Variants in ATP1B1 observed in about 807,000 individuals in gnomAD.
ATP1B1 encodes ATPase Na+/K+ transporting subunit beta 1.
In ATP1B1, 3 loss-of-function variants were observed where a neutral mutation model predicts 39.6. The observed-to-expected ratio is 0.08, with a 90% CI of 0.03 to 0.20. The LOEUF is 0.20. Among genes scored for constraint, ATP1B1 ranks in the 10% least tolerant of loss-of-function variants. ATP1B1 has a pLI of 1.00. For synonymous variants in ATP1B1, 139 were observed against 135.0 expected (o/e 1.03, Z -0.20); for missense variants, 216 against 371.1 (o/e 0.58, Z 3.43).
Position 169,127,238 on chromosome 1 carries a change from C to A in ATP1B1, c.397C>A (p.Pro133Thr). The change falls in exon 4 of 6, where the codon CCG becomes ACG. Residue 133 changes from proline (P) to threonine (T), a missense_variant. Coordinates refer to ENST00000367815, the MANE Select transcript of ATP1B1 (RefSeq NM_001677.4). ...FEDCGDVPSE[P>T]KERGDFNHER... The stretch of plus-strand genomic sequence containing the variant: ...TTTATTTTTAGATGTGCCCAGTGAA[C>A]CGAAAGAACGAGGAGACTTTAATCA... 1 of 1,577,158 alleles carries A rather than the reference C, an allele frequency of 6.3e-7. No homozygotes were observed. Among genetic ancestry groups the A allele is most frequent in the South Asian group, 1.2e-5 (1 of 82,308 alleles).
intron 2 of ATP1B1, among the ~76,000 whole-genome samples, chr1:169,116,982 C>T (rs967699411): frequency 4.6e-5 from 7 of 152,010 alleles, no homozygotes; most frequent in South Asian, 4.2e-4. Context: ...CTAATTTTTC[C>T]ACCCCCCGCA....
rs199737584 is a variant in ATP1B1 at position 169,124,962 on chromosome 1, T to A, written c.305T>A (p.Val102Glu). The A allele has an allele frequency of 6.2e-7, 1 of 1,614,048 alleles. No homozygotes were observed. The highest frequency in any genetic ancestry group is 2.2e-5 in the East Asian group (1 of 44,872). Residue 102 changes from valine to glutamate, a missense_variant, in exon 3 of 6, where the codon GTA becomes GAA. By Grantham distance (121) the Val-to-Glu change is moderately radical. Coordinates refer to ENST00000367815, the MANE Select transcript of ATP1B1 (RefSeq NM_001677.4). ...PNDPKSYEAY[V>E]LNIVRFLEKY... Reference sequence around the variant, plus strand: ...GATCCCAAGAGCTATGAGGCATATGTACTGAACATAGTTAGGTTCCTGGAA... The same window carrying A: ...GATCCCAAGAGCTATGAGGCATATGAACTGAACATAGTTAGGTTCCTGGAA...
Position 169,132,241 on chromosome 1 carries a change from G to A in ATP1B1, c.*686G>A, listed in dbSNP as rs752018640. ...AAAGGTGATGGGTTGTGTTATGCTTGTATTGAATGCTGTCTTGACATCTCT... is the reference window on the plus strand; with the variant it reads ...AAAGGTGATGGGTTGTGTTATGCTTATATTGAATGCTGTCTTGACATCTCT... On this transcript the variant is annotated 3_prime_UTR_variant, in exon 6 of 6. Transcript: ENST00000367815. 1.8e-4 allele frequency: 117 copies of A among 641,876 alleles called. No homozygotes were observed. Among genetic ancestry groups the A allele is most frequent in the Non-Finnish European group, 5.7e-6 (2 of 353,280 alleles). The allele number at this position is 641,876 out of a possible 1,614,324, so 39.8% of individuals were successfully genotyped here. A position where few individuals can be genotyped will look rare whatever the true frequency, so the allele number is the denominator to read the frequency against.
chr1:169,123,181 C>T (rs1232400016), intron 2 of ATP1B1, among the ~76,000 whole-genome samples: 1 of 152,214 alleles, frequency 6.6e-6, no homozygotes, highest in African/African-American at 2.4e-5. Flanking sequence ...ACGTCGTTGT[C>T]TTCATATCTG....
intron 1 of ATP1B1, among the ~76,000 whole-genome samples, chr1:169,107,672 T>C (rs1298861705): frequency 6.6e-6 from 1 of 152,086 alleles, no homozygotes; most frequent in African/African-American, 2.4e-5. Flanking sequence ...GATCTTAAAA[T>C]ATTTTGTGCA....
In ATP1B1 at chr1:169,131,862, A is replaced by G. The variant is rs367551064; in HGVS notation, c.*307A>G. On this transcript the variant is annotated 3_prime_UTR_variant, in exon 6 of 6. Transcript: ENST00000367815. This position sits in a 1 kb window ranked among gnomAD's most constrained non-coding sequence, Gnocchi z 4.4. ...TAAGCAGTGTTTCTGGCCCCTAAGTATTGCTGCCTTGTGTATTTTATTTAG... is the reference window on the plus strand; with the variant it reads ...TAAGCAGTGTTTCTGGCCCCTAAGTGTTGCTGCCTTGTGTATTTTATTTAG... The G allele has an allele frequency of 5.2e-5, 20 of 381,698 alleles. No homozygotes were observed. The highest frequency in any genetic ancestry group is 3.9e-4 in the African/African-American group (19 of 48,526). 23.6% of individuals were successfully genotyped at this position (381,698 alleles called of 1,614,324 possible).
At chr1:169,120,544 A>T (rs566215675) in intron 2 of ATP1B1, among the ~76,000 whole-genome samples, 6 of 152,318 alleles carry the variant, frequency 3.9e-5, no homozygotes, top group African/African-American at 1.4e-4. Flanking sequence ...CCTAGGGTCT[A>T]ATCCAGCTGG....
At chr1:169,128,279 G>C (rs887102751) in intron 4 of ATP1B1, among the ~76,000 whole-genome samples, 1 of 151,990 alleles carries the variant, frequency 6.6e-6, no homozygotes, top group African/African-American at 2.4e-5. Flanking sequence ...GCAGTATATT[G>C]AGTTATGTGA....
intron 2 of ATP1B1, among the ~76,000 whole-genome samples, chr1:169,121,510 T>C (rs145163454): frequency 0.015 from 2,341 of 152,294 alleles, 30 homozygotes; most frequent in Middle Eastern, 0.027. Context: ...TAATACCTCC[T>C]CCTGTTCTTA....
At chr1:169,117,328 G>A (rs922134671) in intron 2 of ATP1B1, among the ~76,000 whole-genome samples, 5 of 152,166 alleles carry the variant, frequency 3.3e-5, no homozygotes, top group Non-Finnish European at 5.9e-5. Flanking sequence ...AAGGGTTTGT[G>A]GGGGGAACTC....
intron 2 of ATP1B1, among the ~76,000 whole-genome samples, chr1:169,112,297 G>A (rs1262272641): frequency 6.6e-6 from 1 of 152,250 alleles, no homozygotes; most frequent in Non-Finnish European, 1.5e-5. Context: ...AGTCGTGAAA[G>A]GCCCATGGCC....
chr1:169,107,912 G>C (rs1657639439), intron 1 of ATP1B1: 4 of 142,228 alleles, frequency 2.8e-5, no homozygotes, highest in South Asian at 4.5e-4. Flanking sequence ...TCATCATCAT[G>C]ACCATCACCA....
At chr1:169,107,031 G>A in intron 1 of ATP1B1, 105 bp downstream of exon 1, 1 of 1,102,824 alleles carries the variant, frequency 9.1e-7, no homozygotes, top group Non-Finnish European at 1.3e-6. Flanking sequence ...CGCGCTGGCC[G>A]GGGTGGCGGG....
rs570165169 is a variant in ATP1B1, at chr1:169,115,498, G to T, written c.226+4000G>T. 4.0e-5 allele frequency among the ~76,000 whole-genome samples: 6 copies of T among 151,740 alleles called. No homozygotes were observed. In the East Asian group the frequency reaches 9.9e-4, roughly 25 times the overall value. On this transcript the variant is annotated intron_variant, in intron 2 of 5. Coordinates refer to ENST00000367815, the MANE Select transcript of ATP1B1 (RefSeq NM_001677.4). ...CGAGTAGCTGGGGCTACAGGTGCGC[G>T]CCACCATGCCCAGCTAATTTTTGTA...
At chr1:169,127,195 C>T in intron 3 of ATP1B1, 29 bp from the exon 4 acceptor site, 2 of 1,547,830 alleles carry the variant, frequency 1.3e-6, no homozygotes, top group Non-Finnish European at 1.7e-6. Context: ...ATTGCTGGTA[C>T]AATATAAAAG....
At chr1:169,110,102 G>C (rs150416538) in intron 1 of ATP1B1, among the ~76,000 whole-genome samples, 1 of 151,986 alleles carries the variant, frequency 6.6e-6, no homozygotes, top group Non-Finnish European at 1.5e-5. Flanking sequence ...TAAGCATTTT[G>C]CTGTGGTTTT....
At chr1:169,110,064 T>C (rs973450923) in intron 1 of ATP1B1, among the ~76,000 whole-genome samples, 4 of 152,110 alleles carry the variant, frequency 2.6e-5, no homozygotes, top group Non-Finnish European at 5.9e-5. Flanking sequence ...GTTATTTGCT[T>C]TTGATAGAGG....
chr1:169,123,758 C>A (rs1001028472), intron 2 of ATP1B1, among the ~76,000 whole-genome samples: 1 of 151,870 alleles, frequency 6.6e-6, no homozygotes, highest in Non-Finnish European at 1.5e-5. Flanking sequence ...TCCTGAGTAG[C>A]TGGAATTACA....
intron 2 of ATP1B1, among the ~76,000 whole-genome samples, chr1:169,123,425 G>C (rs766741790): frequency 6.6e-6 from 1 of 151,958 alleles, no homozygotes; most frequent in Non-Finnish European, 1.5e-5. Flanking sequence ...AGCCAGGGTA[G>C]AGTCACTTAT....
Sources: allele counts gnomAD v4.1 joint callset (sites outside exome capture counted in the v4.1 genomes callset), GRCh38; gene constraint gnomAD v4.1.1; non-coding constraint Gnocchi (gnomAD v3.1); transcripts MANE v1.5; gene names NCBI Gene and HGNC (gene_info 2026-07-23, HGNC 2026-07-21).